AFG2A: variants seen among roughly 807,000 people sequenced by gnomAD.
The protein encoded by AFG2A is AAA ATPase AFG2A, also known as ATPase family gene 2 protein homolog A.
chr4:123,136,603 G>C, the AFG2A span, among the ~76,000 whole-genome samples: 23 of 152,090 alleles, frequency 1.5e-4, no homozygotes, highest in Middle Eastern at 3.4e-3. Context: ...GAACACGAGA[G>C]GTGGAGCTTG....
the AFG2A span, among the ~76,000 whole-genome samples, chr4:123,162,649 C>T: frequency 6.6e-6 from 1 of 151,950 alleles, no homozygotes. Context: ...TTTAGGTTAC[C>T]TATGTATAAA....
chr4:123,172,583 A>G, the AFG2A span, among the ~76,000 whole-genome samples: 1 of 152,344 alleles, frequency 6.6e-6, no homozygotes, highest in African/African-American at 2.4e-5. Context: ...GAAATGATTC[A>G]GGAACTGGGT....
the AFG2A span, among the ~76,000 whole-genome samples, chr4:123,238,629 A>G: frequency 7.9e-5 from 12 of 152,250 alleles, no homozygotes; most frequent in South Asian, 2.1e-4. Flanking sequence ...ACCAAAAGGA[A>G]TAGCATCAAC....
At chr4:123,265,908 T>C in the AFG2A span, among the ~76,000 whole-genome samples, 29 of 152,048 alleles carry the variant, frequency 1.9e-4, no homozygotes, top group Non-Finnish European at 3.4e-4. Context: ...CCTCATTCTT[T>C]TTCTCCAATA....
the AFG2A span, among the ~76,000 whole-genome samples, chr4:122,972,303 C>T: frequency 6.6e-6 from 1 of 151,760 alleles, no homozygotes; most frequent in Non-Finnish European, 1.5e-5. Flanking sequence ...AAAGTTATTC[C>T]TACTATCCTC....
the AFG2A span, among the ~76,000 whole-genome samples, chr4:123,180,705 G>T: frequency 2.0e-5 from 3 of 152,130 alleles, no homozygotes; most frequent in Non-Finnish European, 4.4e-5. Flanking sequence ...TTTTGAAAGA[G>T]AAAAGGATAT....
the AFG2A span, among the ~76,000 whole-genome samples, chr4:122,970,648 C>A: frequency 2.6e-5 from 4 of 151,684 alleles, no homozygotes; most frequent in Non-Finnish European, 4.4e-5. Context: ...TAGTAACTTG[C>A]TGCACAGGTT....
At chr4:122,964,261 C>T in the AFG2A span, among the ~76,000 whole-genome samples, 307 of 151,976 alleles carry the variant, frequency 2.0e-3, no homozygotes, top group African/African-American at 5.8e-3. Flanking sequence ...CCCAGCACTT[C>T]GGGAGGCTGA....
the AFG2A span, among the ~76,000 whole-genome samples, chr4:123,139,399 C>A: frequency 1.3e-5 from 2 of 151,972 alleles, no homozygotes; most frequent in Non-Finnish European, 2.9e-5. Flanking sequence ...ACACAACCAT[C>A]TTTTATTTAT....
chr4:123,007,653 A>ACG, the AFG2A span, among the ~76,000 whole-genome samples: 1 of 56,776 alleles, frequency 1.8e-5, no homozygotes, highest in Non-Finnish European at 5.0e-5. Flanking sequence ...ACACACACAC[A>ACG]CACACACACA....
the AFG2A span, among the ~76,000 whole-genome samples, chr4:123,016,745 T>G: frequency 2.6e-5 from 4 of 152,008 alleles, no homozygotes; most frequent in Non-Finnish European, 4.4e-5. Context: ...GCTGCAATCT[T>G]GGCACTTTGG....
chr4:122,995,592 G>A, the AFG2A span, among the ~76,000 whole-genome samples: 1 of 152,114 alleles, frequency 6.6e-6, no homozygotes, highest in African/African-American at 2.4e-5. Flanking sequence ...GAGGAAAAAT[G>A]GGAGAGATAG....
At chr4:123,314,685 A>G in the AFG2A span, 2 of 151,764 alleles carry the variant, frequency 1.3e-5, no homozygotes, top group African/African-American at 4.8e-5. Context: ...GTATAATACA[A>G]TGCCCTTTGA....
the AFG2A span, among the ~76,000 whole-genome samples, chr4:123,060,218 G>A: frequency 1.3e-5 from 2 of 152,316 alleles, no homozygotes; most frequent in Non-Finnish European, 2.9e-5. Context: ...GGCACATGGT[G>A]CAAGCTGTCA....
At chr4:123,208,000 A>T in the AFG2A span, among the ~76,000 whole-genome samples, 1 of 152,222 alleles carries the variant, frequency 6.6e-6, no homozygotes, top group Non-Finnish European at 1.5e-5. Context: ...ACACAGCTGA[A>T]GGACTTTCAC....
the AFG2A span, among the ~76,000 whole-genome samples, chr4:123,236,209 G>A: frequency 2.6e-5 from 4 of 152,150 alleles, no homozygotes; most frequent in Admixed American, 6.5e-5. Context: ...TTCCCTAAAC[G>A]CATTCAAGAA....
At chr4:123,228,855 T>A in the AFG2A span, among the ~76,000 whole-genome samples, 2 of 152,126 alleles carry the variant, frequency 1.3e-5, no homozygotes, top group East Asian at 3.9e-4. Context: ...ATTTGATAGG[T>A]AAGCTGATTG....
At chr4:123,288,183 A>C in the AFG2A span, among the ~76,000 whole-genome samples, 1 of 152,162 alleles carries the variant, frequency 6.6e-6, no homozygotes, top group Non-Finnish European at 1.5e-5. Flanking sequence ...AATGGGTTTA[A>C]ATGAGAATGG....
the AFG2A span, among the ~76,000 whole-genome samples, chr4:123,271,823 G>A: frequency 5.1e-3 from 770 of 151,286 alleles, 8 homozygotes; most frequent in African/African-American, 0.018. Flanking sequence ...AAGCTACCCT[G>A]GTCCTACAGT....
Sources: allele counts gnomAD v4.1 joint callset (sites outside exome capture counted in the v4.1 genomes callset), GRCh38; gene constraint gnomAD v4.1.1; transcripts MANE v1.5; gene names NCBI Gene and HGNC (gene_info 2026-07-23, HGNC 2026-07-21).